Variants in VTA1 observed in about 807,000 individuals in gnomAD.
VTA1 encodes the protein vacuolar protein sorting-associated protein VTA1 homolog.
In VTA1, 24 loss-of-function variants were observed where a neutral mutation model predicts 36.9. The ratio of observed to expected loss-of-function variants is 0.65; its 90% CI spans 0.47 to 0.91. VTA1 has a LOEUF of 0.91. Ranked by LOEUF, VTA1 falls within the 40% of genes least tolerant of loss-of-function variation. VTA1 has a pLI of 0.00. For synonymous variants in VTA1, 142 were observed against 130.2 expected (o/e 1.09, Z -0.62); for missense variants, 393 against 377.2 (o/e 1.04, Z -0.35).
intron 7 of VTA1, among the ~76,000 whole-genome samples, chr6:142,214,340 A>G (rs1245608948): frequency 1.3e-5 from 2 of 152,206 alleles, no homozygotes; most frequent in African/African-American, 2.4e-5. Flanking sequence ...TTCATTGTCC[A>G]TATCATTATC....
At chr6:142,215,903 C>G (rs1176231217) in intron 7 of VTA1, among the ~76,000 whole-genome samples, 1 of 152,150 alleles carries the variant, frequency 6.6e-6, no homozygotes. Flanking sequence ...GAGGATTTAA[C>G]TGATAGTTCT....
intron 4 of VTA1, among the ~76,000 whole-genome samples, chr6:142,172,198 A>G (rs373744365): frequency 3.0e-4 from 46 of 152,254 alleles, no homozygotes; most frequent in Middle Eastern, 3.4e-3. Flanking sequence ...TTTAGCAGAG[A>G]TGGGGTTTCA....
rs776357213 is a variant in VTA1, at chr6:142,189,395, C to T, written c.412-31C>T. ...TTACTTTTTACTTCTTTACCATAGT[C>T]CAATGTTGATATAAAAATGCTCTCT... On this transcript the variant is annotated intron_variant, in intron 4 of 7. Transcript: ENST00000367630. The T allele has an allele frequency of 2.0e-6, 3 of 1,524,352 alleles. No individual in the cohort carries two copies. In the Admixed American group the frequency reaches 5.1e-5, roughly 26 times the overall value. 94.4% of individuals were successfully genotyped at this position (1,524,352 alleles called of 1,614,324 possible).
chr6:142,210,787 A>C (rs531081873), intron 7 of VTA1, among the ~76,000 whole-genome samples: 1 of 152,206 alleles, frequency 6.6e-6, no homozygotes, highest in African/African-American at 2.4e-5. Context: ...TAGAAGTACC[A>C]TATGATTCAG....
rs1422637076 is a variant in VTA1, at chr6:142,147,323, A to G, written c.36A>G (p.Ala12=). Residue 12 remains alanine (A), a synonymous_variant, in exon 1 of 8, where the codon GCA becomes GCG. Coordinates refer to ENST00000367630, the MANE Select transcript of VTA1 (RefSeq NM_016485.5). ...AALAPLPPLP[A]QFKSIQHHLR... ...TTGCACCGCTGCCCCCGCTCCCCGC[A>G]CAGTTCAAGAGCATACAGCATCATC... 2.5e-6 allele frequency: 4 copies of G among 1,614,094 alleles called. No homozygotes were observed. In the African/African-American group the frequency reaches 5.3e-5, roughly 22 times the overall value.
intron 4 of VTA1, among the ~76,000 whole-genome samples, chr6:142,175,602 T>C (rs1217671259): frequency 6.6e-6 from 1 of 152,076 alleles, no homozygotes; most frequent in African/African-American, 2.4e-5. Flanking sequence ...AAGAGGGGGC[T>C]TTGTCTTCTT....
chr6:142,168,546 C>CT (rs1055111203), intron 2 of VTA1, among the ~76,000 whole-genome samples: 4 of 151,638 alleles, frequency 2.6e-5, no homozygotes, highest in African/African-American at 7.2e-5. Context: ...AAATTAGGAA[C>CT]TTTTTTTAAA....
intron 4 of VTA1, among the ~76,000 whole-genome samples, chr6:142,187,222 G>A (rs1775358093): frequency 6.6e-6 from 1 of 152,178 alleles, no homozygotes; most frequent in African/African-American, 2.4e-5. Flanking sequence ...TCAGCTAGAG[G>A]ATTAGGAGCC....
In VTA1 at chr6:142,218,531, G is replaced by T; in HGVS notation, c.812G>T (p.Arg271Ile). The T allele has an allele frequency of 6.2e-7, 1 of 1,613,422 alleles. No individual in the cohort carries two copies. The highest frequency in any genetic ancestry group is 8.5e-7 in the Non-Finnish European group (1 of 1,179,666). The change falls in exon 8 of 8, where the codon AGA (arginine) becomes ATA (isoleucine). Residue 271 changes from arginine to isoleucine, a missense_variant. Coordinates refer to ENST00000367630, the MANE Select transcript of VTA1 (RefSeq NM_016485.5). Reference protein sequence around the residue: ...DVRLTPEDFARAQKYCKYAGS... With the variant: ...DVRLTPEDFAIAQKYCKYAGS... The stretch of plus-strand genomic sequence containing the variant: ...CGTCTAACCCCAGAAGACTTTGCTA[G>T]AGCTCAGAAGTACTGCAAATATGCT...
At chr6:142,160,420 A>G (rs146457689) in intron 1 of VTA1, among the ~76,000 whole-genome samples, 16 of 152,286 alleles carry the variant, frequency 1.1e-4, no homozygotes, top group African/African-American at 3.8e-4. Context: ...ACCATATGTT[A>G]GTATTCAGCT....
intron 7 of VTA1, among the ~76,000 whole-genome samples, chr6:142,211,332 T>A (rs1439033333): frequency 6.6e-6 from 1 of 152,166 alleles, no homozygotes; most frequent in African/African-American, 2.4e-5. Flanking sequence ...CTATAAAACA[T>A]GTAAAAGATA....
intron 2 of VTA1, among the ~76,000 whole-genome samples, chr6:142,166,959 A>T (rs1003844177): frequency 1.1e-4 from 16 of 152,136 alleles, no homozygotes; most frequent in African/African-American, 3.6e-4. Context: ...CCTTGCAGTC[A>T]CGTGGATGAT....
At chr6:142,198,120 T>G (rs1205255357) in intron 5 of VTA1, among the ~76,000 whole-genome samples, 1 of 42,686 alleles carries the variant, frequency 2.3e-5, no homozygotes, top group Admixed American at 2.2e-4. Flanking sequence ...TATATATATA[T>G]GTGTGTGTGT....
At chr6:142,148,051 AAT>A (rs1778489930) in intron 1 of VTA1, among the ~76,000 whole-genome samples, 1 of 152,224 alleles carries the variant, frequency 6.6e-6, no homozygotes, top group African/African-American at 2.4e-5. Context: ...GATTAAAAAA[AAT>A]ATAGGTTAAC....
intron 4 of VTA1, among the ~76,000 whole-genome samples, chr6:142,184,524 T>C (rs2114660006): frequency 6.9e-6 from 1 of 144,104 alleles, no homozygotes; most frequent in South Asian, 2.3e-4. Flanking sequence ...GCATAGTACC[T>C]GACTTGAGTA....
chr6:142,147,392 T>G lies in VTA1; in HGVS notation c.105T>G (p.Ala35=). 2 of 1,613,962 alleles carry G rather than the reference T, an allele frequency of 1.2e-6. No homozygotes were observed. Among genetic ancestry groups the G allele is most frequent in the Non-Finnish European group, 1.7e-6 (2 of 1,179,926 alleles). The change falls in exon 1 of 8, where the codon GCT becomes GCG. Residue 35 remains alanine, a synonymous_variant. Coordinates refer to ENST00000367630, the MANE Select transcript of VTA1 (RefSeq NM_016485.5). ...ATGACAAGCGAGACCCTGTGGTGGC[T>G]TATTACTGTGAGTCTTTCCGAGTGG... The part of the protein sequence containing the change: ...QEHDKRDPVV[A]YYCRLYAMQT...
chr6:142,177,138 TA>T (rs1306950256), intron 4 of VTA1, among the ~76,000 whole-genome samples: 1 of 152,176 alleles, frequency 6.6e-6, no homozygotes, highest in Non-Finnish European at 1.5e-5. Flanking sequence ...TCATAGTAGA[TA>T]AATATGAGAG....
intron 1 of VTA1, among the ~76,000 whole-genome samples, chr6:142,162,911 G>A (rs1034584328): frequency 7.9e-5 from 12 of 152,210 alleles, no homozygotes; most frequent in East Asian, 5.8e-4. Context: ...TAGAGAGTGG[G>A]CGCTTGATGT....
At chr6:142,215,132 T>TA (rs1196617710) in intron 7 of VTA1, among the ~76,000 whole-genome samples, 4 of 152,136 alleles carry the variant, frequency 2.6e-5, no homozygotes, top group African/African-American at 9.7e-5. Flanking sequence ...AATGACAACT[T>TA]ACCTGATAAA....
Sources: allele counts gnomAD v4.1 joint callset (sites outside exome capture counted in the v4.1 genomes callset), GRCh38; gene constraint gnomAD v4.1.1; transcripts MANE v1.5; gene names NCBI Gene and HGNC (gene_info 2026-07-23, HGNC 2026-07-21).